The following FRYL variants were observed in gnomAD, a reference collection of about 807,000 sequenced individuals.
FRYL encodes the protein protein furry homolog-like.
In FRYL, 150 loss-of-function variants were observed where a neutral mutation model predicts 351.2. The observed-to-expected ratio is 0.43, with a 90% CI of 0.37 to 0.49. FRYL has a LOEUF of 0.49. Among genes scored for constraint, FRYL ranks in the 20% least tolerant of loss-of-function variants. The pLI is 0.00. For missense variants in FRYL, 3,036 were observed against 3,619.3 expected (o/e 0.84, Z 4.13); for synonymous variants, 1,153 against 1,257.1 (o/e 0.92, Z 1.75).
At chr4:48,618,549 C>G (rs1361190147) in intron 7 of FRYL, 1 of 139,760 alleles carries the variant, frequency 7.2e-6, no homozygotes, top group Non-Finnish European at 1.5e-5. Flanking sequence ...ATACATGGAT[C>G]ATCCTTGAAT....
chr4:48,669,760 A>G (rs567233530), intron 3 of FRYL, among the ~76,000 whole-genome samples: 6 of 151,928 alleles, frequency 3.9e-5, no homozygotes, highest in African/African-American at 1.4e-4. Context: ...ATGTATGTTT[A>G]CTTCAATTAA....
chr4:48,659,259 A>T (rs1048986610), intron 3 of FRYL, among the ~76,000 whole-genome samples: 1 of 151,330 alleles, frequency 6.6e-6, no homozygotes, highest in African/African-American at 2.4e-5. Flanking sequence ...GCTGAGACAC[A>T]AGAATTACTG....
chr4:48,522,437 T>G (rs1725096432), intron 54 of FRYL, among the ~76,000 whole-genome samples: 2 of 152,226 alleles, frequency 1.3e-5, no homozygotes, highest in South Asian at 2.1e-4. Flanking sequence ...GCCCTACCAC[T>G]GGCTTTTCTT....
intron 1 of FRYL, among the ~76,000 whole-genome samples, chr4:48,713,337 A>G (rs1425154640): frequency 2.0e-5 from 3 of 152,224 alleles, no homozygotes; most frequent in East Asian, 3.8e-4. Flanking sequence ...AATTGCATAA[A>G]GAGTCACGAC....
intron 16 of FRYL, among the ~76,000 whole-genome samples, chr4:48,592,082 TTATATATATATATATATATA>T (rs56320005): frequency 0.54 from 62,444 of 116,558 alleles, 16,811 homozygotes; most frequent in Admixed American, 0.64. Context: ...AATAAAGCTC[TTATATATATATATATATATA>T]TATATATATA....
chr4:48,754,921 C>T (rs1482108337), intron 1 of FRYL, among the ~76,000 whole-genome samples: 9 of 152,110 alleles, frequency 5.9e-5, no homozygotes, highest in Non-Finnish European at 1.0e-4. Flanking sequence ...GGATTACAGG[C>T]GTGAGCCACT....
At chr4:48,694,602 T>C (rs1481324631) in intron 2 of FRYL, among the ~76,000 whole-genome samples, 1 of 152,148 alleles carries the variant, frequency 6.6e-6, no homozygotes, top group East Asian at 1.9e-4. Context: ...CAACCTATAA[T>C]ACATTTTTTA....
intron 2 of FRYL, among the ~76,000 whole-genome samples, chr4:48,692,382 CT>C (rs1765754875): frequency 6.6e-6 from 1 of 151,798 alleles, no homozygotes; most frequent in African/African-American, 2.4e-5. Context: ...AAACTCAAGC[CT>C]TAGTTTCTTT....
At chr4:48,511,648 C>A (rs1390469555) in intron 57 of FRYL, among the ~76,000 whole-genome samples, 1 of 152,008 alleles carries the variant, frequency 6.6e-6, no homozygotes, top group Non-Finnish European at 1.5e-5. Flanking sequence ...CTTACAACAT[C>A]AATAAGAATA....
chr4:48,647,534 T>C (rs1162680920), intron 3 of FRYL, among the ~76,000 whole-genome samples: 2 of 152,306 alleles, frequency 1.3e-5, no homozygotes, highest in South Asian at 2.1e-4. Context: ...TTAAAGCAAA[T>C]TGTGAAACCC....
chr4:48,531,285 TACG>T lies in FRYL; in HGVS notation c.6771_6773del (p.Val2258del). On this transcript the variant is annotated inframe_deletion, in exon 50 of 64. Transcript: ENST00000358350. ...CATAGGTCTTGGGGATATCACTGGGTACGACAAGACTCGCAGAGCGTGACACCA... is the reference window on the plus strand; with the variant it reads ...CATAGGTCTTGGGGATATCACTGGGTACAAGACTCGCAGAGCGTGACACCA... 6 of 1,613,584 alleles carry T rather than the reference TACG, an allele frequency of 3.7e-6. No homozygotes were observed. Among genetic ancestry groups the T allele is most frequent in the Non-Finnish European group, 5.1e-6 (6 of 1,179,556 alleles).
chr4:48,664,526 A>G (rs1173276725), intron 3 of FRYL, among the ~76,000 whole-genome samples: 1 of 152,222 alleles, frequency 6.6e-6, no homozygotes, highest in Non-Finnish European at 1.5e-5. Flanking sequence ...CCCCAGGCTT[A>G]GCGGACTCAG....
intron 1 of FRYL, among the ~76,000 whole-genome samples, chr4:48,754,645 T>C (rs1773583810): frequency 6.7e-6 from 1 of 148,442 alleles, no homozygotes; most frequent in African/African-American, 2.5e-5. Flanking sequence ...TTCACACTTG[T>C]GATTTTCTGG....
At chr4:48,737,277 AGAG>A (rs1033684817) in intron 1 of FRYL, among the ~76,000 whole-genome samples, 17 of 144,090 alleles carry the variant, frequency 1.2e-4, no homozygotes, top group African/African-American at 3.2e-4. Flanking sequence ...AAAAAAAAAA[AGAG>A]AGAGAAAGAG....
At chr4:48,711,368 G>A (rs1001439510) in intron 1 of FRYL, among the ~76,000 whole-genome samples, 1 of 152,286 alleles carries the variant, frequency 6.6e-6, no homozygotes, top group African/African-American at 2.4e-5. Flanking sequence ...CTCAAATACT[G>A]CGCTTTTCCA....
intron 4 of FRYL, among the ~76,000 whole-genome samples, chr4:48,627,075 A>G (rs1219455199): frequency 6.6e-6 from 1 of 152,126 alleles, no homozygotes; most frequent in Non-Finnish European, 1.5e-5. Context: ...ACAATAATAT[A>G]CTAATATATG....
chr4:48,612,986 C>T (rs1233520983), intron 7 of FRYL, among the ~76,000 whole-genome samples: 1 of 152,160 alleles, frequency 6.6e-6, no homozygotes, highest in African/African-American at 2.4e-5. Context: ...TATGAAGAAA[C>T]ATAATACAGG....
chr4:48,578,288 C>T (rs1416063333), intron 23 of FRYL, among the ~76,000 whole-genome samples: 1 of 152,082 alleles, frequency 6.6e-6, no homozygotes, highest in Admixed American at 6.5e-5. Flanking sequence ...ATAGGTCAAT[C>T]CAGATGCTGG....
At chr4:48,671,423 T>G (rs1229476723) in intron 3 of FRYL, among the ~76,000 whole-genome samples, 1 of 152,060 alleles carries the variant, frequency 6.6e-6, no homozygotes, top group Non-Finnish European at 1.5e-5. Flanking sequence ...ATCCCAGTAC[T>G]TAAGGAGACT....
Sources: allele counts gnomAD v4.1 joint callset (sites outside exome capture counted in the v4.1 genomes callset), GRCh38; gene constraint gnomAD v4.1.1; transcripts MANE v1.5; gene names NCBI Gene and HGNC (gene_info 2026-07-23, HGNC 2026-07-21).